Variants in FAM107B observed in about 807,000 individuals in gnomAD.
The protein encoded by FAM107B is protein FAM107B.
Under a neutral mutation model 31.5 loss-of-function variants are expected in FAM107B, and 21 were observed. The ratio of observed to expected loss-of-function variants is 0.67; its 90% CI spans 0.47 to 0.96. The LOEUF (loss-of-function observed/expected upper bound fraction) is 0.96. Among genes scored for constraint, FAM107B ranks in the 40% least tolerant of loss-of-function variants. The probability of loss-of-function intolerance (pLI) is 0.00; values close to 1 mark genes in which losing one functional copy is unlikely to be tolerated. For missense variants in FAM107B, 452 were observed against 377.1 expected, an observed-to-expected ratio of 1.20 and a Z score of -1.64; for synonymous variants, 157 against 141.5, an observed-to-expected ratio of 1.11 and a Z score of -0.78.
intron 2 of FAM107B, among the ~76,000 whole-genome samples, chr10:14,559,910 G>GT (rs1254740166): frequency 6.6e-6 from 1 of 152,124 alleles, no homozygotes; most frequent in Admixed American, 6.5e-5. Context: ...TAAAGGAACT[G>GT]TAAGAGCCTT....
intron 1 of FAM107B, among the ~76,000 whole-genome samples, chr10:14,673,114 A>G (rs1854599599): frequency 6.6e-6 from 1 of 152,246 alleles, no homozygotes; most frequent in Non-Finnish European, 1.5e-5. Flanking sequence ...CACCTCAAAC[A>G]TCCATCATTT....
At chr10:14,685,248 A>C (rs1854955044) in intron 1 of FAM107B, among the ~76,000 whole-genome samples, 1 of 150,972 alleles carries the variant, frequency 6.6e-6, no homozygotes, top group Non-Finnish European at 1.5e-5. Flanking sequence ...TCCTGGGCTC[A>C]AGCCATCCTC....
At chr10:14,580,376 A>C (rs112854995) in intron 2 of FAM107B, among the ~76,000 whole-genome samples, 2,055 of 151,804 alleles carry the variant, frequency 0.014, 46 homozygotes, top group African/African-American at 0.047. Context: ...AAAAGTAAGT[A>C]AGTCAAGGCC....
At chr10:14,595,645 C>G (rs1852166270) in intron 2 of FAM107B, among the ~76,000 whole-genome samples, 1 of 151,866 alleles carries the variant, frequency 6.6e-6, no homozygotes, top group Admixed American at 6.6e-5. Context: ...GGTCCTAGGG[C>G]AAACTTTTTA....
chr10:14,740,565 A>T (rs1172118968), intron 1 of FAM107B, among the ~76,000 whole-genome samples: 1 of 152,234 alleles, frequency 6.6e-6, no homozygotes, highest in South Asian at 2.1e-4. Flanking sequence ...ATATAACTAT[A>T]CAACACAAAG....
chr10:14,652,923 C>T (rs147009690), intron 2 of FAM107B: 33 of 152,294 alleles, frequency 2.2e-4, no homozygotes, highest in African/African-American at 7.7e-4. Context: ...GGAGAAACCA[C>T]ATACTGTGAG....
At chr10:14,730,393 G>A (rs180800156) in intron 1 of FAM107B, among the ~76,000 whole-genome samples, 4 of 152,280 alleles carry the variant, frequency 2.6e-5, no homozygotes, top group Non-Finnish European at 5.9e-5. Flanking sequence ...TTCTTGAGCT[G>A]GGATTTAAAG....
chr10:14,660,814 C>G (rs998131537), intron 2 of FAM107B, among the ~76,000 whole-genome samples: 4 of 152,060 alleles, frequency 2.6e-5, no homozygotes, highest in African/African-American at 9.7e-5. Flanking sequence ...ATAGAAGGCT[C>G]TAGAAAAGGA....
At chr10:14,753,225 G>A (rs769247104) in intron 1 of FAM107B, among the ~76,000 whole-genome samples, 101 of 152,098 alleles carry the variant, frequency 6.6e-4, no homozygotes, top group Non-Finnish European at 1.2e-4. Flanking sequence ...GCACACAAAG[G>A]TATACACTCA....
intron 2 of FAM107B, among the ~76,000 whole-genome samples, chr10:14,569,260 A>C (rs1342083566): frequency 1.3e-5 from 2 of 152,224 alleles, no homozygotes; most frequent in Non-Finnish European, 2.9e-5. Flanking sequence ...AACTGCCAAC[A>C]ACTGATATAG....
At chr10:14,680,457 C>T (rs933583567) in intron 1 of FAM107B, among the ~76,000 whole-genome samples, 1 of 151,888 alleles carries the variant, frequency 6.6e-6, no homozygotes, top group Non-Finnish European at 1.5e-5. Context: ...GCCTGTAATC[C>T]CAGCTACTCG....
intron 2 of FAM107B, among the ~76,000 whole-genome samples, chr10:14,573,461 T>C (rs1170729665): frequency 6.6e-6 from 1 of 151,604 alleles, no homozygotes; most frequent in Non-Finnish European, 1.5e-5. Context: ...GTGTGGTGGT[T>C]CACACCTGTA....
At chr10:14,598,352 C>G (rs1852255169) in intron 2 of FAM107B, among the ~76,000 whole-genome samples, 1 of 152,156 alleles carries the variant, frequency 6.6e-6, no homozygotes, top group African/African-American at 2.4e-5. Flanking sequence ...TGGTAATATA[C>G]ATACAGTGGA....
intron 1 of FAM107B, among the ~76,000 whole-genome samples, chr10:14,767,539 C>A (rs1360129483): frequency 2.0e-5 from 3 of 151,826 alleles, no homozygotes; most frequent in Non-Finnish European, 4.4e-5. Context: ...GTGTAACATA[C>A]CACATTGACA....
chr10:14,540,935 C>A lies in FAM107B; in HGVS notation c.470-10420G>T, dbSNP rs556494842. On this transcript the variant is annotated intron_variant, in intron 2 of 4. Coordinates refer to ENST00000181796, the MANE Select transcript of FAM107B (RefSeq NM_031453.4). ...ACACTGTAGCAGAAGTCATCCCAGG[C>A]GAATTTGAGTTTGAGCTATTGTTTC... 1.2e-3 allele frequency among the ~76,000 whole-genome samples: 186 copies of A among 152,282 alleles called. 1 individual carries two copies. The highest frequency in any genetic ancestry group is 3.0e-3 in the Admixed American group (46 of 15,290).
chr10:14,701,985 T>G (rs1179535059), intron 1 of FAM107B, among the ~76,000 whole-genome samples: 1 of 152,278 alleles, frequency 6.6e-6, no homozygotes, highest in African/African-American at 2.4e-5. Context: ...TCAGGATTCC[T>G]GCTGCAGCAA....
At chr10:14,555,494 C>T (rs1238401675) in intron 2 of FAM107B, among the ~76,000 whole-genome samples, 7 of 152,184 alleles carry the variant, frequency 4.6e-5, no homozygotes, top group Non-Finnish European at 1.0e-4. Flanking sequence ...CATTTTACTT[C>T]TGTCTTTAAT....
intron 1 of FAM107B, among the ~76,000 whole-genome samples, chr10:14,688,694 G>A (rs1246125383): frequency 6.6e-6 from 1 of 152,166 alleles, no homozygotes; most frequent in Non-Finnish European, 1.5e-5. Flanking sequence ...TTTAAGTGGT[G>A]CTCAACGTTT....
chr10:14,598,967 C>T (rs1422786274), intron 2 of FAM107B, among the ~76,000 whole-genome samples: 1 of 152,190 alleles, frequency 6.6e-6, no homozygotes, highest in Non-Finnish European at 1.5e-5. Context: ...TCCCCTACAG[C>T]ACCTTGCTCC....
Sources: allele counts gnomAD v4.1 joint callset (sites outside exome capture counted in the v4.1 genomes callset), GRCh38; gene constraint gnomAD v4.1.1; transcripts MANE v1.5; gene names NCBI Gene and HGNC (gene_info 2026-07-23, HGNC 2026-07-21).